Variants in CDH11 observed in about 807,000 individuals in gnomAD.
The protein encoded by CDH11 is cadherin 11, also known as cadherin-11.
In CDH11, 11 loss-of-function variants were observed where a neutral mutation model predicts 67.8. That is an observed-to-expected ratio of 0.16 (90% CI 0.10 to 0.27). CDH11 has a LOEUF of 0.27. Among genes scored for constraint, CDH11 ranks in the 10% least tolerant of loss-of-function variants. The pLI, the probability that CDH11 is intolerant of heterozygous loss-of-function variation, is 1.00. For missense variants in CDH11, 847 were observed against 1,031.2 expected, an observed-to-expected ratio of 0.82 and a Z score of 2.45; for synonymous variants, 419 against 400.0, an observed-to-expected ratio of 1.05 and a Z score of -0.57.
intron 6 of CDH11, among the ~76,000 whole-genome samples, chr16:64,989,709 C>A (rs948114689): frequency 6.6e-6 from 1 of 152,104 alleles, no homozygotes; most frequent in Non-Finnish European, 1.5e-5. Context: ...TTGGGGAAAT[C>A]ACTGGAAGGT....
chr16:65,107,005 T>C (rs920632819), intron 1 of CDH11, among the ~76,000 whole-genome samples: 1 of 152,060 alleles, frequency 6.6e-6, no homozygotes, highest in East Asian at 1.9e-4. Flanking sequence ...TTTGCAGCTG[T>C]CTACCATGTG....
intron 1 of CDH11, among the ~76,000 whole-genome samples, chr16:65,088,678 T>C (rs1169396752): frequency 6.6e-6 from 1 of 152,208 alleles, no homozygotes; most frequent in East Asian, 1.9e-4. Flanking sequence ...TTATCAGCTA[T>C]ATTAAGGTAA....
chr16:65,008,767 C>T lies in CDH11; in HGVS notation c.-172-3726G>A, dbSNP rs758027162. On this transcript the variant is annotated intron_variant, in intron 2 of 12. Transcript: ENST00000268603. ...GTTTGAAGTTCATAAGGAAATTATA[C>T]GGACGTTGTGATAAAAAGCAGTTAC... Among the ~76,000 whole-genome samples, 87 of 152,178 alleles carry T rather than the reference C, an allele frequency of 5.7e-4. 1 individual carries two copies. The highest frequency in any genetic ancestry group is 7.6e-4 in the Non-Finnish European group (52 of 67,994).
intron 1 of CDH11, among the ~76,000 whole-genome samples, chr16:65,064,680 T>C (rs2074285351): frequency 6.6e-6 from 1 of 152,274 alleles, no homozygotes; most frequent in African/African-American, 2.4e-5. Context: ...GATTCAATTA[T>C]GTTGTTTCCT....
chr16:64,984,347 C>T (rs549849594), intron 7 of CDH11, among the ~76,000 whole-genome samples: 1 of 151,508 alleles, frequency 6.6e-6, no homozygotes, highest in Non-Finnish European at 1.5e-5. Flanking sequence ...TCATATGCAT[C>T]CATCATTTTG....
intron 2 of CDH11, among the ~76,000 whole-genome samples, chr16:65,030,331 T>C (rs1373339123): frequency 6.6e-6 from 1 of 152,220 alleles, no homozygotes; most frequent in East Asian, 1.9e-4. Flanking sequence ...TATCTGAAAT[T>C]CTAATCTAAC....
At chr16:65,022,240 A>T (rs1044483791) in intron 2 of CDH11, among the ~76,000 whole-genome samples, 1 of 30,646 alleles carries the variant, frequency 3.3e-5, no homozygotes, top group Admixed American at 3.2e-4. Flanking sequence ...AAAGAAAACC[A>T]ATTTAAAAAA....
At chr16:64,988,796 C>T (rs2072557766) in intron 6 of CDH11, among the ~76,000 whole-genome samples, 1 of 152,142 alleles carries the variant, frequency 6.6e-6, no homozygotes, top group Admixed American at 6.5e-5. Context: ...TTCAACAGCT[C>T]CATAGTTACT....
At chr16:65,039,460 G>T (rs927843988) in intron 2 of CDH11, among the ~76,000 whole-genome samples, 7 of 152,030 alleles carry the variant, frequency 4.6e-5, no homozygotes, top group Non-Finnish European at 1.0e-4. Flanking sequence ...AGAAATGGGG[G>T]AAGGATTCCC....
In CDH11 at chr16:64,945,831, T is replaced by C. The variant is rs2071186075; in HGVS notation, c.*1772A>G. Reference sequence around the variant, plus strand: ...ATCAAGAAATGCTTGAAACAAACTTTCACAATAAAGTCAGAAAAAAACTGT... The same window carrying C: ...ATCAAGAAATGCTTGAAACAAACTTCCACAATAAAGTCAGAAAAAAACTGT... On this transcript the variant is annotated 3_prime_UTR_variant, in exon 13 of 13. Transcript: ENST00000268603. The C allele has an allele frequency of 9.5e-7, 1 of 1,051,252 alleles. No individual in the cohort carries two copies. Among genetic ancestry groups the C allele is most frequent in the Admixed American group, 5.5e-5 (1 of 18,200 alleles). 65.1% of individuals were successfully genotyped at this position (1,051,252 alleles called of 1,614,324 possible).
rs40327 is a variant in CDH11, at chr16:64,944,398, A to T, written c.*3205T>A. The T allele has an allele frequency of 0.81, 189,372 of 232,446 alleles. 77,900 individuals are homozygous for T. The highest frequency in any genetic ancestry group is 1 in the East Asian group (16,480 of 16,492). The allele number at this position is 232,446 out of a possible 1,614,324, so 14.4% of individuals were successfully genotyped here. ...ATTTCAGGCCCTCATTCTATCTCAT[A>T]TTGACCTTTGCAAAAGCCCTCCTGG... On this transcript the variant is annotated 3_prime_UTR_variant, in exon 13 of 13. Transcript: ENST00000268603.
chr16:64,948,486 A>T, intron 12 of CDH11: 1 of 857,174 alleles, frequency 1.2e-6, no homozygotes, highest in Non-Finnish European at 1.9e-6. Flanking sequence ...TGTTTTTCCA[A>T]GGTTTAAAAA....
chr16:64,993,965 A>G (rs6498967), intron 4 of CDH11, among the ~76,000 whole-genome samples: 9,100 of 152,276 alleles, frequency 0.06, 625 homozygotes, highest in African/African-American at 0.17. Context: ...GAGATATATG[A>G]AGCTTTGTAA....
At chr16:65,017,596 A>G (rs1012421140) in intron 2 of CDH11, among the ~76,000 whole-genome samples, 3 of 152,214 alleles carry the variant, frequency 2.0e-5, no homozygotes, top group South Asian at 4.1e-4. Flanking sequence ...TTTCCACAAC[A>G]GTAAAGCAAA....
At chr16:65,053,771 T>C (rs779607250) in intron 2 of CDH11, 33 bp downstream of exon 2, 19 of 455,602 alleles carry the variant, frequency 4.2e-5, no homozygotes, top group Non-Finnish European at 7.1e-5. Flanking sequence ...CATAGTAATA[T>C]GTGAATTGTT....
chr16:64,988,108 G>A, intron 7 of CDH11, 49 bp downstream of exon 7: 1 of 1,425,456 alleles, frequency 7.0e-7, no homozygotes, highest in Non-Finnish European at 9.5e-7. Context: ...TGTTGCCTTG[G>A]CAGAGCAGGC....
intron 1 of CDH11, among the ~76,000 whole-genome samples, chr16:65,079,127 G>T (rs1482101770): frequency 6.6e-6 from 1 of 152,098 alleles, no homozygotes; most frequent in Non-Finnish European, 1.5e-5. Flanking sequence ...TATGAACCAG[G>T]TGTGAGGGAC....
At chr16:64,959,732 A>C (rs2071620329) in intron 11 of CDH11, among the ~76,000 whole-genome samples, 1 of 152,202 alleles carries the variant, frequency 6.6e-6, no homozygotes, top group African/African-American at 2.4e-5. Flanking sequence ...GGAGCAATTA[A>C]GGGCGAAAAA....
rs118172130 is a variant in CDH11, at chr16:65,101,266, C to A, written c.-298+20614G>T. Among the ~76,000 whole-genome samples the A allele has an allele frequency of 8.7e-3, 1,319 of 152,156 alleles. 11 individuals are homozygous for A. Among genetic ancestry groups the A allele is most frequent in the Non-Finnish European group, 0.014 (943 of 68,008 alleles). ...CCTTCCTTGCCAAGAAGACACCAAC[C>A]AATCATGAGGAGAGACAGGCATGCA... is the stretch of plus-strand genomic sequence containing the variant. On this transcript the variant is annotated intron_variant, in intron 1 of 12. Coordinates refer to ENST00000268603, the MANE Select transcript of CDH11 (RefSeq NM_001797.4).
Sources: gnomAD v4.1 joint callset for allele counts (sites outside exome capture counted in the v4.1 genomes callset) on GRCh38, gnomAD v4.1.1 for gene constraint, MANE v1.5 for transcripts, NCBI Gene and HGNC (gene_info 2026-07-23, HGNC 2026-07-21) for gene names.